The following RNGTT variants were observed in gnomAD, a reference collection of about 807,000 sequenced individuals.
RNGTT encodes the protein mRNA-capping enzyme.
In RNGTT, 33 loss-of-function variants were observed where a neutral mutation model predicts 79.3. The observed-to-expected ratio is 0.42, with a 90% CI of 0.32 to 0.56. The LOEUF is 0.56. RNGTT is among the 20% of genes least tolerant of loss of function. The pLI, the probability that RNGTT is intolerant of heterozygous loss-of-function variation, is 0.17. For synonymous variants in RNGTT, 222 were observed against 235.9 expected, an observed-to-expected ratio of 0.94 and a Z score of 0.54; for missense variants, 497 against 739.1, an observed-to-expected ratio of 0.67 and a Z score of 3.80.
chr6:88,882,558 T>G (rs745344129), intron 8 of RNGTT, among the ~76,000 whole-genome samples: 1 of 152,196 alleles, frequency 6.6e-6, no homozygotes, highest in Non-Finnish European at 1.5e-5. Context: ...AAATAAAATT[T>G]AAAAATTCAA....
chr6:88,941,665 CTTTT>C (rs776214733), intron 1 of RNGTT, among the ~76,000 whole-genome samples: 2 of 142,878 alleles, frequency 1.4e-5, no homozygotes, highest in Non-Finnish European at 3.1e-5. Context: ...TACCCTACAT[CTTTT>C]TTTTTTTTTT....
intron 1 of RNGTT, among the ~76,000 whole-genome samples, chr6:88,955,232 T>G (rs536017400): frequency 6.6e-6 from 1 of 151,798 alleles, no homozygotes; most frequent in South Asian, 2.1e-4. Context: ...GCAAAAGCAG[T>G]GCTAAGAGGA....
chr6:88,863,119 A>G (rs1022459939), intron 8 of RNGTT, among the ~76,000 whole-genome samples: 2 of 152,206 alleles, frequency 1.3e-5, no homozygotes, highest in Non-Finnish European at 2.9e-5. Context: ...TAAGCAGACA[A>G]CATGTATTAT....
At position 88,746,631 on chromosome 6, in the gene RNGTT, T is replaced by C. The variant is rs535654945; in HGVS notation, c.1439+23143A>G. Among the ~76,000 whole-genome samples the C allele has an allele frequency of 7.2e-5, 11 of 152,270 alleles. No individual in the cohort carries two copies. In the South Asian group the frequency reaches 2.3e-3, roughly 32 times the overall value. On this transcript the variant is annotated intron_variant, in intron 13 of 15. Transcript: ENST00000369485. ...CAGTTCACGATGGGGTTTGTGCTCC[T>C]ATGAGAATCTAATACCGCCACTGAT...
chr6:88,692,043 A>G (rs565387631), intron 13 of RNGTT, among the ~76,000 whole-genome samples: 65 of 152,218 alleles, frequency 4.3e-4, no homozygotes, highest in Non-Finnish European at 8.5e-4. Flanking sequence ...AAAAAGAAAC[A>G]TAACTACATT....
At chr6:88,838,359 T>A (rs1781151594) in intron 11 of RNGTT, among the ~76,000 whole-genome samples, 2 of 152,108 alleles carry the variant, frequency 1.3e-5, no homozygotes, top group African/African-American at 4.8e-5. Flanking sequence ...ATGTAATAAT[T>A]TTGATGAAAT....
chr6:88,793,738 G>A (rs775043514), intron 12 of RNGTT, among the ~76,000 whole-genome samples: 2 of 152,152 alleles, frequency 1.3e-5, no homozygotes, highest in Non-Finnish European at 2.9e-5. Flanking sequence ...ATGGGTTGCA[G>A]TGAGCCAAGT....
intron 8 of RNGTT, among the ~76,000 whole-genome samples, chr6:88,887,476 C>T (rs894645548): frequency 2.6e-5 from 4 of 152,134 alleles, no homozygotes; most frequent in Non-Finnish European, 5.9e-5. Context: ...CCAGAAACAC[C>T]TTGCAAAATT....
At chr6:88,885,656 G>A (rs1782832736) in intron 8 of RNGTT, among the ~76,000 whole-genome samples, 1 of 152,152 alleles carries the variant, frequency 6.6e-6, no homozygotes, top group Admixed American at 6.5e-5. Flanking sequence ...TGATCTCAGA[G>A]TATCTCCCTC....
At position 88,647,701 on chromosome 6, in the gene RNGTT, T is replaced by TAAAAAAAAAAAAAAA. The variant is rs746472579; in HGVS notation, c.1506+30637_1506+30651dup. Among the ~76,000 whole-genome samples, 108 of 100,800 alleles carry TAAAAAAAAAAAAAAA rather than the reference T, an allele frequency of 1.1e-3. 1 individual carries two copies. The highest frequency in any genetic ancestry group is 2.1e-3 in the South Asian group (6 of 2,818). The allele number at this position is 100,800 out of a possible 152,430, so 66.1% of individuals were successfully genotyped here. On this transcript the variant is annotated intron_variant, in intron 14 of 15. Transcript: ENST00000369485. ...CTGGGTGACAGAACCGACACCCTGT[T>TAAAAAAAAAAAAAAA]AAAAAAAAAAAAAAAAGAAGAAGAA...
At chr6:88,800,335 C>T (rs1301674581) in intron 12 of RNGTT, among the ~76,000 whole-genome samples, 1 of 152,156 alleles carries the variant, frequency 6.6e-6, no homozygotes, top group Non-Finnish European at 1.5e-5. Flanking sequence ...CTTTGAGCAT[C>T]ATGCTGGTGC....
intron 13 of RNGTT, among the ~76,000 whole-genome samples, chr6:88,766,266 C>T (rs1489753181): frequency 1.3e-5 from 2 of 152,088 alleles, no homozygotes; most frequent in Non-Finnish European, 2.9e-5. Flanking sequence ...CTCTAAAATA[C>T]TATTCTATAC....
At chr6:88,786,970 A>G (rs1194078840) in intron 12 of RNGTT, among the ~76,000 whole-genome samples, 5 of 152,168 alleles carry the variant, frequency 3.3e-5, no homozygotes, top group African/African-American at 4.8e-5. Flanking sequence ...GGGACACAAC[A>G]TAAGCCAAGA....
chr6:88,949,785 A>G (rs1007263641), intron 1 of RNGTT, among the ~76,000 whole-genome samples: 3 of 152,222 alleles, frequency 2.0e-5, no homozygotes. Flanking sequence ...TCTCTCTAAC[A>G]TAAAGGTACA....
chr6:88,614,467 CACAT>C (rs1430336395), intron 14 of RNGTT, 72 bp from the exon 15 acceptor site: 15 of 1,427,082 alleles, frequency 1.1e-5, no homozygotes, highest in Non-Finnish European at 1.5e-5. Context: ...ATGTGACAGG[CACAT>C]TAGGAAATGA....
intron 11 of RNGTT, among the ~76,000 whole-genome samples, chr6:88,824,410 T>G (rs1780588995): frequency 6.6e-6 from 1 of 152,260 alleles, no homozygotes; most frequent in Non-Finnish European, 1.5e-5. Flanking sequence ...TATAACCTTA[T>G]GGGACCACCA....
intron 13 of RNGTT, among the ~76,000 whole-genome samples, chr6:88,725,527 A>T (rs1241311876): frequency 1.3e-5 from 2 of 152,196 alleles, no homozygotes; most frequent in African/African-American, 2.4e-5. Flanking sequence ...AGTATTCCTC[A>T]GTTGGGATGT....
intron 13 of RNGTT, among the ~76,000 whole-genome samples, chr6:88,727,310 A>C (rs1776947171): frequency 6.6e-6 from 1 of 152,226 alleles, no homozygotes. Flanking sequence ...GGATTTTTAC[A>C]TACATTAAAA....
intron 4 of RNGTT, among the ~76,000 whole-genome samples, chr6:88,914,370 C>G (rs1270116764): frequency 5.9e-5 from 9 of 152,036 alleles, no homozygotes; most frequent in African/African-American, 2.2e-4. Flanking sequence ...CATCATATTA[C>G]AACCAACCGC....
Sources: gnomAD v4.1 joint callset for allele counts (sites outside exome capture counted in the v4.1 genomes callset) on GRCh38, gnomAD v4.1.1 for gene constraint, MANE v1.5 for transcripts, NCBI Gene and HGNC (gene_info 2026-07-23, HGNC 2026-07-21) for gene names.